Variants in COL23A1 observed in about 807,000 individuals in gnomAD.
The protein encoded by COL23A1 is collagen type XXIII alpha 1 chain.
A neutral mutation model predicts 99.3 loss-of-function variants in COL23A1; 97 were observed. The observed-to-expected ratio is 0.98, with a 90% CI of 0.83 to 1.16. COL23A1 has a LOEUF of 1.16. COL23A1 is among the 50% of genes most tolerant of loss of function. The pLI is 0.00. For synonymous variants in COL23A1, 320 were observed against 308.2 expected, an observed-to-expected ratio of 1.04 and a Z score of -0.40; for missense variants, 762 against 757.4, an observed-to-expected ratio of 1.01 and a Z score of -0.07.
intron 2 of COL23A1, among the ~76,000 whole-genome samples, chr5:178,320,949 G>T (rs998152902): frequency 6.6e-6 from 1 of 152,230 alleles, no homozygotes; most frequent in Non-Finnish European, 1.5e-5. Flanking sequence ...TGTGCGCTCA[G>T]CCATAGGTGG....
intron 2 of COL23A1, among the ~76,000 whole-genome samples, chr5:178,354,748 C>T (rs189192505): frequency 6.2e-4 from 95 of 152,220 alleles, no homozygotes; most frequent in Middle Eastern, 3.4e-3. Flanking sequence ...TGTGAAAACG[C>T]GAGCCAATTA....
At position 178,298,069 on chromosome 5, in the gene COL23A1, C is replaced by T. The variant is rs114368783; in HGVS notation, c.407-7700G>A. ...TCCCGAGGTCCAGCCCTTCTGCGCA[C>T]GGCCTTCAAACATGTGTTCCAAGCA... On this transcript the variant is annotated intron_variant, in intron 3 of 28. Coordinates refer to ENST00000390654, the MANE Select transcript of COL23A1 (RefSeq NM_173465.4). Among the ~76,000 whole-genome samples, 777 of 152,264 alleles carry T rather than the reference C, an allele frequency of 5.1e-3. 6 individuals are homozygous for T. The highest frequency in any genetic ancestry group is 8.5e-3 in the Non-Finnish European group (575 of 68,020).
chr5:178,280,199 C>T lies in COL23A1; in HGVS notation c.441+8125G>A, dbSNP rs1756821573. Reference sequence around the variant, plus strand: ...AGCCCTGGCGGACTCTTGCGCTGGACTCCCGCCCTCGGGCCACAGCCTGGG... The same window carrying T: ...AGCCCTGGCGGACTCTTGCGCTGGATTCCCGCCCTCGGGCCACAGCCTGGG... On this transcript the variant is annotated intron_variant, in intron 5 of 28. Coordinates refer to ENST00000390654, the MANE Select transcript of COL23A1 (RefSeq NM_173465.4). The surrounding 1 kb of genome is among the most constrained non-coding windows in gnomAD (Gnocchi z 4.9). Among the ~76,000 whole-genome samples, 2 of 152,266 alleles carry T rather than the reference C, an allele frequency of 1.3e-5. No homozygotes were observed. Among genetic ancestry groups the T allele is most frequent in the South Asian group, 2.1e-4 (1 of 4,836 alleles).
At chr5:178,497,049 AAAAATCTCATCTCAG>A (rs557898682) in intron 2 of COL23A1, among the ~76,000 whole-genome samples, 1 of 152,154 alleles carries the variant, frequency 6.6e-6, no homozygotes, top group Non-Finnish European at 1.5e-5. Flanking sequence ...CTGAGGACTG[AAAAATCTCATCTCAG>A]AACTCTACGT....
chr5:178,369,331 G>A (rs1290072679), intron 2 of COL23A1, among the ~76,000 whole-genome samples: 1 of 152,178 alleles, frequency 6.6e-6, no homozygotes, highest in East Asian at 1.9e-4. Flanking sequence ...CAGCTCCCAG[G>A]AAACTTCACA....
chr5:178,262,149 A>G, intron 10 of COL23A1, 68 bp downstream of exon 10: 1 of 1,506,664 alleles, frequency 6.6e-7, no homozygotes. Context: ...GTGTGTGGGA[A>G]AGGGGCTTCC....
intron 1 of COL23A1, among the ~76,000 whole-genome samples, chr5:178,568,377 A>G (rs1472357048): frequency 6.6e-6 from 1 of 152,226 alleles, no homozygotes; most frequent in East Asian, 1.9e-4. Flanking sequence ...GCATAATCAC[A>G]AAGTCACTTA....
intron 3 of COL23A1, among the ~76,000 whole-genome samples, chr5:178,304,695 T>C (rs111468366): frequency 3.3e-5 from 5 of 152,062 alleles, no homozygotes; most frequent in African/African-American, 1.2e-4. Flanking sequence ...GCTCACTTTG[T>C]TTTTGGATAG....
intron 14 of COL23A1, 68 bp from the exon 15 acceptor site, chr5:178,256,465 C>A: frequency 7.0e-7 from 1 of 1,429,008 alleles, no homozygotes; most frequent in Non-Finnish European, 9.5e-7. Context: ...CACGACCCTG[C>A]CCCCAGTCCC....
At chr5:178,248,859 C>T (rs1362492465) in intron 19 of COL23A1, among the ~76,000 whole-genome samples, 1 of 152,226 alleles carries the variant, frequency 6.6e-6, no homozygotes, top group Admixed American at 6.5e-5. Context: ...ACCTGGCCAA[C>T]GCGCTCCCAT....
At chr5:178,499,882 A>C (rs1758426941) in intron 2 of COL23A1, among the ~76,000 whole-genome samples, 1 of 152,258 alleles carries the variant, frequency 6.6e-6, no homozygotes, top group African/African-American at 2.4e-5. Flanking sequence ...AAAAAAGAAC[A>C]AATTATTTAT....
intron 2 of COL23A1, among the ~76,000 whole-genome samples, chr5:178,448,571 T>G (rs1767300571): frequency 6.6e-6 from 1 of 152,228 alleles, no homozygotes. Context: ...GCAAGGGCCT[T>G]CCTGCAGCAT....
At chr5:178,270,833 GAC>G (rs985954493) in intron 5 of COL23A1, among the ~76,000 whole-genome samples, 1 of 152,220 alleles carries the variant, frequency 6.6e-6, no homozygotes, top group Non-Finnish European at 1.5e-5. Flanking sequence ...AGAGCTGAGA[GAC>G]AGAGAGAAAG....
intron 2 of COL23A1, among the ~76,000 whole-genome samples, chr5:178,348,120 C>T (rs1018903640): frequency 1.3e-5 from 2 of 151,950 alleles, no homozygotes; most frequent in African/African-American, 2.4e-5. Context: ...TCACCCCCGC[C>T]CCTGTTCCCA....
At chr5:178,495,655 C>T (rs1015123263) in intron 2 of COL23A1, among the ~76,000 whole-genome samples, 3 of 151,596 alleles carry the variant, frequency 2.0e-5, no homozygotes, top group Admixed American at 1.3e-4. Flanking sequence ...AGAAGCTGGT[C>T]AAGGAGAGTG....
At chr5:178,296,777 C>T (rs1219656843) in intron 3 of COL23A1, among the ~76,000 whole-genome samples, 6 of 152,032 alleles carry the variant, frequency 3.9e-5, no homozygotes, top group Non-Finnish European at 8.8e-5. Context: ...TCTCGTTGCT[C>T]GTGGGACAGT....
chr5:178,417,284 GACATGCAC>G (rs1242157317), intron 2 of COL23A1, among the ~76,000 whole-genome samples: 1 of 152,140 alleles, frequency 6.6e-6, no homozygotes, highest in Non-Finnish European at 1.5e-5. Flanking sequence ...AACATACACA[GACATGCAC>G]ACATGTGTGC....
In COL23A1 at chr5:178,561,161, CACCCCGTCCACACCCGGGAAGTCCCAAA is replaced by C. The variant is rs1480700615; in HGVS notation, c.295-441_295-414del. Among the ~76,000 whole-genome samples the C allele has an allele frequency of 3.9e-5, 6 of 152,310 alleles. No individual in the cohort carries two copies. The South Asian group carries it at 6.2e-4, about 16-fold the overall frequency. ...AGGCGGCTTTCTGCACTCACAAGGCCACCCCGTCCACACCCGGGAAGTCCCAAAACCCCATGGCTGCAGCCCCTCCTAG... is the reference window on the plus strand; with the variant it reads ...AGGCGGCTTTCTGCACTCACAAGGCCACCCCATGGCTGCAGCCCCTCCTAG... On this transcript the variant is annotated intron_variant, in intron 1 of 28. Coordinates refer to ENST00000390654, the MANE Select transcript of COL23A1 (RefSeq NM_173465.4).
At position 178,252,651 on chromosome 5, in the gene COL23A1, C is replaced by T. The variant is rs1385772690; in HGVS notation, c.961-54G>A. ...TCATGGGTTAGGCAGGGCCTCCCTT[C>T]GCTACCCATCCAGCTCCCCACCTGG... On this transcript the variant is annotated intron_variant, in intron 16 of 28. Coordinates refer to ENST00000390654, the MANE Select transcript of COL23A1 (RefSeq NM_173465.4). The T allele has an allele frequency of 2.8e-5, 42 of 1,502,706 alleles. 1 individual carries two copies. Among genetic ancestry groups the T allele is most frequent in the African/African-American group, 1.5e-4 (11 of 72,124 alleles). 93.1% of individuals were successfully genotyped at this position (1,502,706 alleles called of 1,614,324 possible). A position where few individuals can be genotyped will look rare whatever the true frequency, so the allele number is the denominator to read the frequency against.
Sources: gnomAD v4.1 joint callset for allele counts (sites outside exome capture counted in the v4.1 genomes callset) on GRCh38, gnomAD v4.1.1 for gene constraint, Gnocchi (gnomAD v3.1) non-coding constraint, MANE v1.5 for transcripts, NCBI Gene and HGNC (gene_info 2026-07-23, HGNC 2026-07-21) for gene names.